ZBTB8OS: variants seen among roughly 807,000 people sequenced by gnomAD.
ZBTB8OS encodes tRNA splicing ligase complex subunit 1.
In ZBTB8OS, 16 loss-of-function variants were observed where a neutral mutation model predicts 29.3. The observed-to-expected ratio is 0.55, with a 90% CI of 0.37 to 0.83. The LOEUF is 0.83. ZBTB8OS is among the 40% of genes least tolerant of loss of function. The pLI, the probability that ZBTB8OS is intolerant of heterozygous loss-of-function variation, is 0.00. For synonymous variants in ZBTB8OS, 70 were observed against 64.6 expected, an observed-to-expected ratio of 1.08 and a Z score of -0.40; for missense variants, 160 against 196.9, an observed-to-expected ratio of 0.81 and a Z score of 1.12.
intron 1 of ZBTB8OS, among the ~76,000 whole-genome samples, chr1:32,644,278 T>A (rs539310933): frequency 7.9e-5 from 12 of 152,088 alleles, no homozygotes; most frequent in Non-Finnish European, 1.2e-4. Flanking sequence ...CATTCTTGGA[T>A]GTGCTAGGAG....
intron 1 of ZBTB8OS, among the ~76,000 whole-genome samples, chr1:32,646,364 G>A (rs1418860172): frequency 6.6e-6 from 1 of 151,724 alleles, no homozygotes; most frequent in African/African-American, 2.4e-5. Flanking sequence ...CTAATTCCAG[G>A]TTATTCAATT....
At chr1:32,627,421 A>C in intron 6 of ZBTB8OS, 87 bp downstream of exon 6, 1 of 1,196,096 alleles carries the variant, frequency 8.4e-7, no homozygotes, top group South Asian at 1.3e-5. Flanking sequence ...TACACCAGTT[A>C]GAACTAACTG....
intron 1 of ZBTB8OS, among the ~76,000 whole-genome samples, chr1:32,648,192 A>G (rs1378348428): frequency 3.9e-5 from 6 of 152,266 alleles, no homozygotes; most frequent in Admixed American, 3.9e-4. Flanking sequence ...ATTAGAAAAG[A>G]TAAAAAAGTA....
At chr1:32,622,030 G>A (rs1479839042) in intron 6 of ZBTB8OS, 82 bp from the exon 7 acceptor site, 3 of 974,802 alleles carry the variant, frequency 3.1e-6, no homozygotes, top group African/African-American at 1.7e-5. Context: ...GCAACAATCA[G>A]CAGAAAGTAA....
At chr1:32,628,520 C>T (rs1174423087) in intron 5 of ZBTB8OS, among the ~76,000 whole-genome samples, 7 of 151,438 alleles carry the variant, frequency 4.6e-5, no homozygotes, top group Admixed American at 4.6e-4. Context: ...ACCTGTAATC[C>T]GAACTACTCA....
At chr1:32,639,229 T>C (rs961781663) in intron 1 of ZBTB8OS, among the ~76,000 whole-genome samples, 10 of 148,672 alleles carry the variant, frequency 6.7e-5, no homozygotes, top group Admixed American at 6.1e-4. Context: ...ACCTGGGAGG[T>C]AGAGGTTGCA....
chr1:32,628,652 T>G (rs1645306447), intron 5 of ZBTB8OS, among the ~76,000 whole-genome samples: 1 of 131,898 alleles, frequency 7.6e-6, no homozygotes, highest in Non-Finnish European at 1.6e-5. Context: ...AAAAAAAAAT[T>G]TAATTCTAGT....
At chr1:32,642,052 C>T (rs929247083) in intron 1 of ZBTB8OS, among the ~76,000 whole-genome samples, 31 of 152,254 alleles carry the variant, frequency 2.0e-4, no homozygotes, top group African/African-American at 7.5e-4. Context: ...TTTGGGGAGT[C>T]ATGCCCTACA....
At chr1:32,642,347 T>C (rs1211252175) in intron 1 of ZBTB8OS, among the ~76,000 whole-genome samples, 2 of 151,644 alleles carry the variant, frequency 1.3e-5, no homozygotes, top group African/African-American at 2.4e-5. Flanking sequence ...CTACTAAAAA[T>C]GCAAAAATTA....
At chr1:32,631,464 C>A (rs951319299) in intron 5 of ZBTB8OS, among the ~76,000 whole-genome samples, 1 of 151,690 alleles carries the variant, frequency 6.6e-6, no homozygotes, top group Non-Finnish European at 1.5e-5. Context: ...TGTTTGCAAA[C>A]TCTGGAAGGA....
At chr1:32,639,203 C>G (rs1388603880) in intron 1 of ZBTB8OS, among the ~76,000 whole-genome samples, 1 of 151,284 alleles carries the variant, frequency 6.6e-6, no homozygotes, top group Non-Finnish European at 1.5e-5. Flanking sequence ...GAGGCTGAGG[C>G]AGAAGAGCTG....
chr1:32,632,168 A>G, intron 4 of ZBTB8OS: 1 of 179,328 alleles, frequency 5.6e-6, no homozygotes, highest in Non-Finnish European at 1.2e-5. Flanking sequence ...CGCCCGGCCA[A>G]TCAATTTTTT....
intron 6 of ZBTB8OS, 29 bp downstream of exon 6, chr1:32,627,479 G>A: frequency 6.2e-7 from 1 of 1,610,570 alleles, no homozygotes; most frequent in Non-Finnish European, 8.5e-7. Flanking sequence ...AATTTTTCAT[G>A]TTCTTAATGG....
chr1:32,636,655 A>G (rs1451435885), intron 1 of ZBTB8OS, among the ~76,000 whole-genome samples: 1 of 150,924 alleles, frequency 6.6e-6, no homozygotes, highest in African/African-American at 2.5e-5. Context: ...GCGCCACTGC[A>G]TTCCAGCCTG....
At position 32,634,722 on chromosome 1, in the gene ZBTB8OS, T is replaced by C. The variant is rs7538942; in HGVS notation, c.122+46A>G. On this transcript the variant is annotated intron_variant, in intron 2 of 6. Coordinates refer to ENST00000468695, the MANE Select transcript of ZBTB8OS (RefSeq NM_178547.5). ...GATACCAAGATTGAAACATTCAGTC[T>C]TCCTACTGACGTGGTTTCAAAGGAA... 8,898 of 1,613,006 alleles carry C rather than the reference T, an allele frequency of 5.5e-3. 427 individuals are homozygous for C. In the African/African-American group the frequency reaches 0.1, roughly 19 times the overall value.
intron 1 of ZBTB8OS, among the ~76,000 whole-genome samples, chr1:32,640,408 G>T (rs1313660563): frequency 6.6e-6 from 1 of 151,738 alleles, no homozygotes; most frequent in Non-Finnish European, 1.5e-5. Context: ...GCCAAAACAT[G>T]GTAGTTTTTT....
intron 6 of ZBTB8OS, among the ~76,000 whole-genome samples, chr1:32,624,946 G>A (rs750232372): frequency 2.0e-5 from 3 of 151,326 alleles, no homozygotes; most frequent in Non-Finnish European, 4.4e-5. Context: ...AGAAGTAGCT[G>A]GGTGCAGTGG....
intron 1 of ZBTB8OS, among the ~76,000 whole-genome samples, chr1:32,638,064 T>C (rs916907935): frequency 2.6e-5 from 4 of 151,952 alleles, no homozygotes; most frequent in Non-Finnish European, 5.9e-5. Context: ...CTCAAACGTC[T>C]AATCTCAGGT....
At chr1:32,622,027 T>C in intron 6 of ZBTB8OS, 79 bp from the exon 7 acceptor site, 2 of 1,011,654 alleles carry the variant, frequency 2.0e-6, no homozygotes, top group East Asian at 2.6e-5. Context: ...CTAGCAACAA[T>C]CAGCAGAAAG....
Sources: gnomAD v4.1 joint callset for allele counts (sites outside exome capture counted in the v4.1 genomes callset) on GRCh38, gnomAD v4.1.1 for gene constraint, MANE v1.5 for transcripts, NCBI Gene and HGNC (gene_info 2026-07-23, HGNC 2026-07-21) for gene names.